Variants in SULF2 observed in about 807,000 individuals in gnomAD.
The protein encoded by SULF2 is sulfatase 2.
Under a neutral mutation model 107.7 loss-of-function variants are expected in SULF2, and 52 were observed. That is an observed-to-expected ratio of 0.48 (90% CI 0.39 to 0.61). SULF2 has a LOEUF of 0.61. SULF2 is among the 20% of genes least tolerant of loss of function. The pLI, the probability that SULF2 is intolerant of heterozygous loss-of-function variation, is 0.00. For missense variants in SULF2, 993 were observed against 1,177.3 expected (o/e 0.84, Z 2.29); for synonymous variants, 460 against 464.3 (o/e 0.99, Z 0.12).
chr20:47,663,077 G>A lies in SULF2; in HGVS notation c.2363C>T (p.Pro788Leu), dbSNP rs1290332936. ...FLEYFDLNTD[P>L]YQLMNAVNTL... ...AGCTCGGGTTGCCTGTACCTGGTAG[G>A]GGTCTGTGTTGAGATCAAAGTACTC... Residue 788 changes from proline to leucine, a missense_variant, in exon 17 of 21, where the codon CCC becomes CTC. By Grantham distance (98) the Pro-to-Leu change is moderately conservative. This residue lies in a region of SULF2 where 497 missense variants were observed against 544.1 expected (regional missense o/e 0.91). Transcript: ENST00000688720. The A allele has an allele frequency of 1.2e-6, 2 of 1,614,026 alleles. No homozygotes were observed. The highest frequency in any genetic ancestry group is 1.7e-6 in the Non-Finnish European group (2 of 1,180,026).
intron 4 of SULF2, among the ~76,000 whole-genome samples, chr20:47,702,241 G>A (rs918181185): frequency 2.0e-5 from 3 of 152,080 alleles, no homozygotes; most frequent in South Asian, 2.1e-4. Context: ...TATTTTTTTC[G>A]TACAGACAGG....
chr20:47,754,125 C>T (rs73137518), intron 2 of SULF2, among the ~76,000 whole-genome samples: 4,053 of 152,206 alleles, frequency 0.027, 76 homozygotes, highest in South Asian at 0.043. Flanking sequence ...GGTACAGCCC[C>T]GAACCCCCCA....
At chr20:47,690,867 T>C (rs1174299285) in intron 4 of SULF2, among the ~76,000 whole-genome samples, 3 of 41,694 alleles carry the variant, frequency 7.2e-5, no homozygotes, top group Non-Finnish European at 1.5e-4. Flanking sequence ...AGACTCTGAC[T>C]CAAAAAAAAA....
At position 47,665,238 on chromosome 20, in the gene SULF2, TTCAGGTGACC is replaced by T; in HGVS notation, c.1948_1957del (p.Gly650ArgfsTer108). 3.7e-6 allele frequency: 6 copies of T among 1,614,166 alleles called. No homozygotes were observed. The highest frequency in any genetic ancestry group is 5.1e-6 in the Non-Finnish European group (6 of 1,179,998). On this transcript the variant is annotated frameshift_variant, in exon 14 of 21. Coordinates refer to ENST00000688720, the MANE Select transcript of SULF2 (RefSeq NM_001387048.1). LOFTEE classifies it high-confidence loss of function. ...GTCACATTCTTCTGGCCGCTTTTTC[TTCAGGTGACC>T]TCGGACTTCCCTCAGGTTCTTAATT...
At chr20:47,737,241 A>C (rs2089756892) in intron 2 of SULF2, among the ~76,000 whole-genome samples, 1 of 152,146 alleles carries the variant, frequency 6.6e-6, no homozygotes, top group Non-Finnish European at 1.5e-5. Context: ...CGGTACTGTA[A>C]TTGCATCTCT....
chr20:47,732,226 C>T (rs1241699511), intron 3 of SULF2, among the ~76,000 whole-genome samples: 9 of 152,134 alleles, frequency 5.9e-5, no homozygotes, highest in African/African-American at 9.7e-5. Context: ...GTGCCTACCA[C>T]GACCATGTAC....
At chr20:47,685,521 G>A (rs1048177753) in intron 5 of SULF2, 4 of 152,060 alleles carry the variant, frequency 2.6e-5, no homozygotes, top group Non-Finnish European at 5.9e-5. Context: ...CACTGCACCT[G>A]GCCTCTTTGT....
At chr20:47,720,243 G>A (rs7263117) in intron 3 of SULF2, among the ~76,000 whole-genome samples, 15,121 of 152,018 alleles carry the variant, frequency 0.099, 774 homozygotes, top group Middle Eastern at 0.18. Context: ...TTGAGCCACT[G>A]CACCTGGCCT....
chr20:47,702,506 G>A lies in SULF2; in HGVS notation c.567+13C>T. 1 of 1,610,362 alleles carries A rather than the reference G, an allele frequency of 6.2e-7. No homozygotes were observed. Among genetic ancestry groups the A allele is most frequent in the Non-Finnish European group, 8.5e-7 (1 of 1,178,738 alleles). On this transcript the variant is annotated intron_variant, in intron 4 of 20. Transcript: ENST00000688720. ...CACACAGCCACTCCCAGGCTGGAAA[G>A]GTTGCAGCTTACCTTGGAGTAGTCG...
intron 3 of SULF2, among the ~76,000 whole-genome samples, chr20:47,715,400 C>T (rs1489632277): frequency 6.6e-6 from 1 of 152,116 alleles, no homozygotes; most frequent in Non-Finnish European, 1.5e-5. Flanking sequence ...ACCAGAGTAC[C>T]AGCCCCATGA....
At chr20:47,778,302 G>A (rs1342975066) in intron 1 of SULF2, among the ~76,000 whole-genome samples, 1 of 152,240 alleles carries the variant, frequency 6.6e-6, no homozygotes, top group Non-Finnish European at 1.5e-5. Flanking sequence ...TGTGGTCCCT[G>A]GGGATGGCCC....
intron 2 of SULF2, among the ~76,000 whole-genome samples, chr20:47,737,755 GTTTTTTTTT>G (rs11484375): frequency 2.6e-4 from 16 of 61,838 alleles, no homozygotes; most frequent in Admixed American, 9.4e-4. Flanking sequence ...TCTTTTCTTT[GTTTTTTTTT>G]TTTTTTTTTT....
chr20:47,681,663 C>A lies in SULF2; in HGVS notation c.1064+1331G>T, dbSNP rs182841972. Among the ~76,000 whole-genome samples the A allele has an allele frequency of 1.1e-3, 173 of 152,298 alleles. 1 individual carries two copies. The highest frequency in any genetic ancestry group is 4.1e-3 in the African/African-American group (169 of 41,568). ...ATGGGGCTACTATGAGCATCCACGT[C>A]ACAGGGCAGTTGTGATGCTGAAACG... On this transcript the variant is annotated intron_variant, in intron 7 of 20. Coordinates refer to ENST00000688720, the MANE Select transcript of SULF2 (RefSeq NM_001387048.1).
intron 9 of SULF2, 52 bp from the exon 10 acceptor site, chr20:47,676,675 G>A (rs1272907701): frequency 1.3e-6 from 2 of 1,542,996 alleles, no homozygotes; most frequent in Admixed American, 2.0e-5. Flanking sequence ...CTCTGGAGGA[G>A]CCCCGGAGGC....
chr20:47,696,534 C>T (rs1270564280), intron 4 of SULF2, among the ~76,000 whole-genome samples: 8 of 152,216 alleles, frequency 5.3e-5, no homozygotes, highest in Non-Finnish European at 1.2e-4. Context: ...TGTACATATT[C>T]ATTTATCTAT....
chr20:47,762,062 C>A (rs1390778913), intron 1 of SULF2, among the ~76,000 whole-genome samples: 2 of 152,350 alleles, frequency 1.3e-5, no homozygotes, highest in Admixed American at 6.5e-5. Flanking sequence ...TAAGGCCTCC[C>A]CAGCCACATG....
intron 3 of SULF2, among the ~76,000 whole-genome samples, chr20:47,732,703 C>T (rs1229354206): frequency 7.2e-5 from 11 of 152,076 alleles, no homozygotes; most frequent in African/African-American, 1.7e-4. Flanking sequence ...ATTAGCTGGG[C>T]GTGGTGGCAC....
At chr20:47,770,435 G>A (rs2090608665) in intron 1 of SULF2, among the ~76,000 whole-genome samples, 1 of 152,134 alleles carries the variant, frequency 6.6e-6, no homozygotes, top group Non-Finnish European at 1.5e-5. Context: ...TAGGCACAGG[G>A]AGGCCACTGA....
At chr20:47,670,381 C>G (rs938906554) in intron 11 of SULF2, among the ~76,000 whole-genome samples, 1 of 151,426 alleles carries the variant, frequency 6.6e-6, no homozygotes, top group Admixed American at 6.6e-5. Flanking sequence ...TTAGTAGACA[C>G]GGGTTTCACC....
Sources: gnomAD v4.1 joint callset for allele counts (sites outside exome capture counted in the v4.1 genomes callset) on GRCh38, gnomAD v4.1.1 for gene constraint, gnomAD v4.1.1 regional missense constraint, MANE v1.5 for transcripts, NCBI Gene and HGNC (gene_info 2026-07-23, HGNC 2026-07-21) for gene names.